Variants in INPP5D observed in about 807,000 individuals in gnomAD.
INPP5D encodes the protein inositol polyphosphate-5-phosphatase D.
Under a neutral mutation model 122.9 loss-of-function variants are expected in INPP5D, and 33 were observed. The observed-to-expected ratio is 0.27, with a 90% CI of 0.20 to 0.36. INPP5D has a LOEUF of 0.36. Among genes scored for constraint, INPP5D ranks in the 10% least tolerant of loss-of-function variants. The pLI is 1.00. For missense variants in INPP5D, 1,053 were observed against 1,412.7 expected, an observed-to-expected ratio of 0.75 and a Z score of 4.08; for synonymous variants, 584 against 576.2, an observed-to-expected ratio of 1.01 and a Z score of -0.19.
At chr2:233,102,297 C>G (rs147423630) in intron 2 of INPP5D, among the ~76,000 whole-genome samples, 8 of 152,096 alleles carry the variant, frequency 5.3e-5, no homozygotes, top group African/African-American at 1.9e-4. Context: ...CCTGTGTTAC[C>G]CCATGATGCT....
intron 2 of INPP5D, among the ~76,000 whole-genome samples, chr2:233,104,724 G>A (rs1454965428): frequency 1.3e-5 from 2 of 152,190 alleles, no homozygotes; most frequent in Admixed American, 6.5e-5. Context: ...ACGGTGAATC[G>A]TTTGGTCAGC....
rs1222146544 is a variant in INPP5D at position 233,177,229 on chromosome 2, G to C, written c.1990-36G>C. The C allele has an allele frequency of 6.2e-7, 1 of 1,612,466 alleles. No homozygotes were observed. Among genetic ancestry groups the C allele is most frequent in the Non-Finnish European group, 8.5e-7 (1 of 1,178,834 alleles). On this transcript the variant is annotated intron_variant, in intron 17 of 26. Transcript: ENST00000445964. This position sits in a 1 kb window ranked among gnomAD's most constrained non-coding sequence, Gnocchi z 4.2. ...TTACTGATTAAAAAAATAATAATAA[G>C]AGGCATTTTTTAAAGCCTATGACTT...
At chr2:233,156,169 T>C (rs141375487) in intron 9 of INPP5D, among the ~76,000 whole-genome samples, 25,582 of 152,222 alleles carry the variant, frequency 0.17, 3,896 homozygotes, top group African/African-American at 0.4. Context: ...CCACTGGGCA[T>C]AGTTCCAAGA....
chr2:233,162,706 G>A (rs1187037658), intron 11 of INPP5D, among the ~76,000 whole-genome samples: 1 of 152,190 alleles, frequency 6.6e-6, no homozygotes, highest in Non-Finnish European at 1.5e-5. Flanking sequence ...GAGGAGTCTG[G>A]GAGGAAGAGG....
chr2:233,103,277 G>A (rs753652952), intron 2 of INPP5D, among the ~76,000 whole-genome samples: 13 of 152,214 alleles, frequency 8.5e-5, no homozygotes, highest in Non-Finnish European at 1.3e-4. Context: ...TTGTCAAAGT[G>A]AGCCCTGGGG....
At position 233,131,661 on chromosome 2, in the gene INPP5D, C is replaced by T. The variant is rs570637461; in HGVS notation, c.665+1013C>T. 1.9e-4 allele frequency among the ~76,000 whole-genome samples: 29 copies of T among 152,302 alleles called. No homozygotes were observed. In the East Asian group the frequency reaches 5.0e-3, roughly 26 times the overall value. ...GTTGTGGTGAGCCGAGATCTCGCCA[C>T]TGCACTCCAGCCTGGGTAACAGAGC... is the stretch of plus-strand genomic sequence containing the variant. On this transcript the variant is annotated intron_variant, in intron 5 of 26. Transcript: ENST00000445964.
chr2:233,115,760 G>GC (rs796515818), intron 2 of INPP5D, among the ~76,000 whole-genome samples: 35 of 152,268 alleles, frequency 2.3e-4, no homozygotes, highest in African/African-American at 7.9e-4. Context: ...CAATGCACAT[G>GC]CCCCTCAACA....
chr2:233,112,799 G>A (rs1692666945), intron 2 of INPP5D, among the ~76,000 whole-genome samples: 1 of 152,128 alleles, frequency 6.6e-6, no homozygotes, highest in African/African-American at 2.4e-5. Flanking sequence ...AGCCTCCCAA[G>A]TAGCTGAAAT....
At chr2:233,163,974 C>A in intron 12 of INPP5D, 71 bp downstream of exon 12, 1 of 1,557,550 alleles carries the variant, frequency 6.4e-7, no homozygotes, top group Non-Finnish European at 8.7e-7. Context: ...GTCTCAGAGG[C>A]AAGGGTGGGC....
At chr2:233,115,665 G>T (rs113960392) in intron 2 of INPP5D, among the ~76,000 whole-genome samples, 1 of 152,250 alleles carries the variant, frequency 6.6e-6, no homozygotes, top group South Asian at 2.1e-4. Flanking sequence ...TCAGACAAAG[G>T]TGCCTCTCCC....
In INPP5D at chr2:233,206,440, T is replaced by A. The variant is rs1196148341; in HGVS notation, c.3568-266T>A. The stretch of plus-strand genomic sequence containing the variant: ...TACTGGGGAGGCTGAGGCATGAGGC[T>A]AGCTGGAACCCAAGAATTCAAGGCT... On this transcript the variant is annotated intron_variant, in intron 26 of 26. Transcript: ENST00000445964. This position sits in a 1 kb window ranked among gnomAD's most constrained non-coding sequence, Gnocchi z 4.0. 6.6e-6 allele frequency among the ~76,000 whole-genome samples: 1 copy of A among 152,092 alleles called. No individual in the cohort carries two copies. The highest frequency in any genetic ancestry group is 1.9e-4 in the East Asian group (1 of 5,176).
chr2:233,075,537 ACATG>A (rs758563925), intron 1 of INPP5D, among the ~76,000 whole-genome samples: 2 of 152,080 alleles, frequency 1.3e-5, no homozygotes, highest in African/African-American at 4.8e-5. Flanking sequence ...GTACATACAC[ACATG>A]CATGCATGCA....
rs1452230337 is a variant in INPP5D at position 233,170,902 on chromosome 2, T to C, written c.1901-162T>C. Among the ~76,000 whole-genome samples the C allele has an allele frequency of 9.0e-5, 5 of 55,644 alleles. No homozygotes were observed. In the Admixed American group the frequency reaches 9.1e-4, roughly 10 times the overall value. The allele number at this position is 55,644 out of a possible 152,430, so 36.5% of individuals were successfully genotyped here. A position where few individuals can be genotyped will look rare whatever the true frequency, so the allele number is the denominator to read the frequency against. On this transcript the variant is annotated intron_variant, in intron 16 of 26. Transcript: ENST00000445964. This position sits in a 1 kb window ranked among gnomAD's most constrained non-coding sequence, Gnocchi z 4.5. The stretch of plus-strand genomic sequence containing the variant: ...GCCTGGCCAACAAAGACAGACTCCG[T>C]CTCAAAAAAAAAAAAAAAAAAAGCA...
chr2:233,132,362 C>G (rs1037939249), intron 5 of INPP5D, among the ~76,000 whole-genome samples: 39 of 152,348 alleles, frequency 2.6e-4, no homozygotes, highest in African/African-American at 8.9e-4. Flanking sequence ...ACCTGGACTT[C>G]CCAGGAGCCA....
rs57991740 is a variant in INPP5D at position 233,165,850 on chromosome 2, TTGTG to T, written c.1555+1443_1555+1446del. ...TAAGTGCTAGAGCCTCTCTGTGTGTTTGTGTGTGTGTGTGTGTGTGCCCGTGTGT... is the reference window on the plus strand; with the variant it reads ...TAAGTGCTAGAGCCTCTCTGTGTGTTTGTGTGTGTGTGTGTGCCCGTGTGT... On this transcript the variant is annotated intron_variant, in intron 13 of 26. Transcript: ENST00000445964. Among the ~76,000 whole-genome samples the T allele has an allele frequency of 4.5e-4, 68 of 150,224 alleles. 1 individual carries two copies. In the South Asian group the frequency reaches 6.3e-3, roughly 14 times the overall value.
rs554662743 is a variant in INPP5D at position 233,183,237 on chromosome 2, C to T, written c.2161+738C>T. ...TGTCTCTGCCCAGTCTCTGCTTCCG[C>T]GGTCAGCCCAGTGGTCACTGGGCTC... On this transcript the variant is annotated intron_variant, in intron 19 of 26. Transcript: ENST00000445964. This position sits in a 1 kb window ranked among gnomAD's most constrained non-coding sequence, Gnocchi z 4.6. 1.3e-4 allele frequency among the ~76,000 whole-genome samples: 20 copies of T among 152,302 alleles called. No homozygotes were observed. The highest frequency in any genetic ancestry group is 2.6e-4 in the Admixed American group (4 of 15,296).
At chr2:233,084,709 C>T (rs933316478) in intron 2 of INPP5D, among the ~76,000 whole-genome samples, 2 of 152,194 alleles carry the variant, frequency 1.3e-5, no homozygotes, top group African/African-American at 4.8e-5. Flanking sequence ...CCGTCTGAGC[C>T]GCCGGGCAAA....
chr2:233,161,833 CCG>C lies in INPP5D; in HGVS notation c.1240+13_1240+14del, dbSNP rs774715461. ...ATCGGCACCTGGAACATGGGTGGGT[CCG>C]CGCGCCCCCTCCCTGCAGTCACCCC... On this transcript the variant is annotated splice_region_variant and intron_variant, in intron 11 of 26. Transcript: ENST00000445964. 3.1e-6 allele frequency: 5 copies of C among 1,610,094 alleles called. No homozygotes were observed. Among genetic ancestry groups the C allele is most frequent in the Non-Finnish European group, 4.2e-6 (5 of 1,178,000 alleles).
chr2:233,172,679 G>T (rs577620992), intron 17 of INPP5D, among the ~76,000 whole-genome samples: 1 of 152,212 alleles, frequency 6.6e-6, no homozygotes, highest in African/African-American at 2.4e-5. Flanking sequence ...ATAGCGATGC[G>T]TCGCTTAACA....
Sources: gnomAD v4.1 joint callset for allele counts (sites outside exome capture counted in the v4.1 genomes callset) on GRCh38, gnomAD v4.1.1 for gene constraint, Gnocchi (gnomAD v3.1) non-coding constraint, MANE v1.5 for transcripts, NCBI Gene and HGNC (gene_info 2026-07-23, HGNC 2026-07-21) for gene names.